PREX1: variants seen among roughly 807,000 people sequenced by gnomAD.
PREX1 encodes the protein phosphatidylinositol-3,4,5-trisphosphate dependent Rac exchange factor 1, also known as phosphatidylinositol 3,4,5-trisphosphate-dependent Rac exchanger 1 protein.
PREX1 carries 41 observed loss-of-function variants against 198.3 expected under a neutral mutation model. The ratio of observed to expected loss-of-function variants is 0.21; its 90% CI spans 0.16 to 0.27. The LOEUF (loss-of-function observed/expected upper bound fraction) is 0.27. Among genes scored for constraint, PREX1 ranks in the 10% least tolerant of loss-of-function variants. The pLI is 1.00. For synonymous variants in PREX1, 843 were observed against 887.2 expected, an observed-to-expected ratio of 0.95 and a Z score of 0.89; for missense variants, 1,620 against 2,200.7, an observed-to-expected ratio of 0.74 and a Z score of 5.28.
At chr20:48,784,980 C>T (rs569065742) in intron 1 of PREX1, among the ~76,000 whole-genome samples, 1 of 151,632 alleles carries the variant, frequency 6.6e-6, no homozygotes, top group East Asian at 1.9e-4. Flanking sequence ...ATGGCATGAT[C>T]TCGGCTCACT....
intron 14 of PREX1, among the ~76,000 whole-genome samples, chr20:48,671,842 T>A (rs1568816293): frequency 6.6e-6 from 1 of 152,158 alleles, no homozygotes; most frequent in Non-Finnish European, 1.5e-5. Flanking sequence ...CTGCGTCAGC[T>A]CCAGTTACCC....
In PREX1 at chr20:48,652,643, C is replaced by A; in HGVS notation, c.2410G>T (p.Ala804Ser). The change falls in exon 21 of 40, where the codon GCC becomes TCC. Residue 804 changes from alanine to serine, a missense_variant. This residue lies in a region of PREX1 where 514 missense variants were observed against 611.6 expected (regional missense o/e 0.84). Coordinates refer to ENST00000371941, the MANE Select transcript of PREX1 (RefSeq NM_020820.4). ...TCGCCACTGGGGTCCTCAGTGGAGGCCTCCTGACTGGCTCGTGCTTCCTGG... is the reference window on the plus strand; with the variant it reads ...TCGCCACTGGGGTCCTCAGTGGAGGACTCCTGACTGGCTCGTGCTTCCTGG... Reference protein sequence around the residue: ...DAQEARASQEASTEDPSGEQA... With the variant: ...DAQEARASQESSTEDPSGEQA... 1 of 1,613,708 alleles carries A rather than the reference C, an allele frequency of 6.2e-7. No individual in the cohort carries two copies.
the PREX1 span, among the ~76,000 whole-genome samples, chr20:48,883,166 C>G: frequency 1.3e-5 from 2 of 151,956 alleles, no homozygotes; most frequent in Non-Finnish European, 2.9e-5. Context: ...AACTCCTGAC[C>G]TCAGGTATCT....
intron 1 of PREX1, among the ~76,000 whole-genome samples, chr20:48,815,054 C>T (rs893065036): frequency 2.6e-5 from 4 of 152,158 alleles, no homozygotes; most frequent in Non-Finnish European, 1.5e-5. Context: ...AGGAGTATTT[C>T]ATAATGATAA....
chr20:48,652,721 A>G lies in PREX1; in HGVS notation c.2347-15T>C. On this transcript the variant is annotated splice_polypyrimidine_tract_variant and intron_variant, in intron 20 of 39. Coordinates refer to ENST00000371941, the MANE Select transcript of PREX1 (RefSeq NM_020820.4). ...TGGTACAGGCCCTGCCAGAAGCCAG[A>G]GTAAGGGGACAGCCATGGTGCCGGC... The G allele has an allele frequency of 1.2e-6, 2 of 1,609,228 alleles. No individual in the cohort carries two copies. Among genetic ancestry groups the G allele is most frequent in the Non-Finnish European group, 1.7e-6 (2 of 1,177,338 alleles).
intron 18 of PREX1, chr20:48,656,599 T>TC (rs1446677787): frequency 8.8e-6 from 4 of 453,398 alleles, no homozygotes; most frequent in East Asian, 6.9e-5. Context: ...TCCCCTTGAC[T>TC]CCCCCCTCAT....
At chr20:48,735,795 A>T (rs1369279584) in intron 3 of PREX1, among the ~76,000 whole-genome samples, 1 of 152,136 alleles carries the variant, frequency 6.6e-6, no homozygotes, top group Admixed American at 6.5e-5. Context: ...GCAGTGGCAG[A>T]ACCAGGACTC....
Position 48,655,341 on chromosome 20 carries a change from A to G in PREX1, c.2158T>C (p.Cys720Arg). Reference protein sequence around the residue: ...IKIPDQPDTLCFQIRGAAPPY... With the variant: ...IKIPDQPDTLRFQIRGAAPPY... ...GGGGCAGCTCCACGAATCTGGAAGCACAGTGTGTCCGGCTGGTCGGGGATT... is the reference window on the plus strand; with the variant it reads ...GGGGCAGCTCCACGAATCTGGAAGCGCAGTGTGTCCGGCTGGTCGGGGATT... The change falls in exon 19 of 40, where the codon TGC becomes CGC. Residue 720 changes from cysteine to arginine, a missense_variant. By Grantham distance (180) the Cys-to-Arg change is radical. Transcript: ENST00000371941. 2 of 1,599,790 alleles carry G rather than the reference A, an allele frequency of 1.3e-6. No homozygotes were observed. The highest frequency in any genetic ancestry group is 1.1e-5 in the South Asian group (1 of 88,892).
At chr20:48,670,010 G>C (rs2089664646) in intron 14 of PREX1, among the ~76,000 whole-genome samples, 1 of 152,160 alleles carries the variant, frequency 6.6e-6, no homozygotes. Flanking sequence ...CACTCAGACT[G>C]TATGGTTGAC....
chr20:48,739,763 C>T (rs2090072930), intron 3 of PREX1, among the ~76,000 whole-genome samples: 1 of 152,224 alleles, frequency 6.6e-6, no homozygotes, highest in South Asian at 2.1e-4. Context: ...ACAGACTCTA[C>T]AGCCTGACTG....
chr20:48,867,130 C>T, the PREX1 span, among the ~76,000 whole-genome samples: 2 of 152,226 alleles, frequency 1.3e-5, no homozygotes, highest in Non-Finnish European at 2.9e-5. Context: ...GCCTCCTGCT[C>T]CCCAGCCCAG....
At chr20:48,688,214 C>A (rs1349389820) in intron 10 of PREX1, among the ~76,000 whole-genome samples, 2 of 151,968 alleles carry the variant, frequency 1.3e-5, no homozygotes, top group African/African-American at 4.8e-5. Flanking sequence ...CTTCTCTTTT[C>A]CCAAGTGCTA....
At chr20:48,882,931 C>CTTTT in the PREX1 span, among the ~76,000 whole-genome samples, 9 of 123,704 alleles carry the variant, frequency 7.3e-5, 1 homozygote, top group African/African-American at 1.5e-4. Context: ...TTGGGTTGTC[C>CTTTT]TTTTTTTTTT....
chr20:48,662,736 A>G (rs763768514), intron 15 of PREX1, among the ~76,000 whole-genome samples: 5 of 152,206 alleles, frequency 3.3e-5, no homozygotes, highest in Non-Finnish European at 7.3e-5. Flanking sequence ...TGCAGCCACA[A>G]TCCTGGAATT....
intron 3 of PREX1, among the ~76,000 whole-genome samples, chr20:48,737,255 G>T (rs2122736276): frequency 7.0e-6 from 1 of 143,052 alleles, no homozygotes; most frequent in Middle Eastern, 3.8e-3. Flanking sequence ...GACAGGCAGA[G>T]TCAGGAGGAA....
chr20:48,739,709 T>C (rs1343314237), intron 3 of PREX1, among the ~76,000 whole-genome samples: 3 of 152,188 alleles, frequency 2.0e-5, no homozygotes, highest in Non-Finnish European at 4.4e-5. Flanking sequence ...CAGGAGATGC[T>C]TACTATGTAT....
At chr20:48,751,972 T>G (rs1251109123) in intron 1 of PREX1, among the ~76,000 whole-genome samples, 1 of 151,922 alleles carries the variant, frequency 6.6e-6, no homozygotes, top group East Asian at 1.9e-4. Context: ...ATTCAACAAG[T>G]CTAGGGGAGG....
At chr20:48,727,309 C>T (rs1373493467) in intron 4 of PREX1, among the ~76,000 whole-genome samples, 2 of 152,224 alleles carry the variant, frequency 1.3e-5, no homozygotes, top group African/African-American at 4.8e-5. Flanking sequence ...AATGGAATAC[C>T]GTTACCCTAA....
intron 1 of PREX1, among the ~76,000 whole-genome samples, chr20:48,755,559 G>A (rs1382461874): frequency 6.6e-6 from 1 of 152,170 alleles, no homozygotes; most frequent in Non-Finnish European, 1.5e-5. Context: ...TTTTCCTACT[G>A]ATTGGATTGC....
Sources: gnomAD v4.1 joint callset for allele counts (sites outside exome capture counted in the v4.1 genomes callset) on GRCh38, gnomAD v4.1.1 for gene constraint, gnomAD v4.1.1 regional missense constraint, MANE v1.5 for transcripts, NCBI Gene and HGNC (gene_info 2026-07-23, HGNC 2026-07-21) for gene names.